INTS1: variants seen among roughly 807,000 people sequenced by gnomAD.
INTS1 encodes integrator complex subunit 1.
A neutral mutation model predicts 241.6 loss-of-function variants in INTS1; 137 were observed. The ratio of observed to expected loss-of-function variants is 0.57; its 90% CI spans 0.49 to 0.65. The LOEUF is 0.65. Ranked by LOEUF, INTS1 falls within the 30% of genes least tolerant of loss-of-function variation. INTS1 has a pLI of 0.00. For missense variants in INTS1, 3,073 were observed against 3,032.2 expected (o/e 1.01, Z -0.32); for synonymous variants, 1,692 against 1,337.8 (o/e 1.26, Z -5.78).
chr7:1,472,477 G>T, intron 43 of INTS1, 91 bp from the exon 44 acceptor site: 1 of 901,576 alleles, frequency 1.1e-6, no homozygotes, highest in African/African-American at 1.7e-5. Context: ...GAGCACGGCG[G>T]CCACTGCCCA....
intron 30 of INTS1, 91 bp from the exon 31 acceptor site, chr7:1,479,775 C>G: frequency 7.5e-7 from 1 of 1,327,912 alleles, no homozygotes; most frequent in Non-Finnish European, 9.9e-7. Context: ...AGCTCCGTGC[C>G]AGAACCGCGT....
At chr7:1,495,601 AGG>A (rs1782810306) in intron 12 of INTS1, 48 bp from the exon 13 acceptor site, 2 of 1,578,140 alleles carry the variant, frequency 1.3e-6, no homozygotes, top group Non-Finnish European at 1.7e-6. Flanking sequence ...ATGGGCCATG[AGG>A]GGCTAAGGCA....
intron 14 of INTS1, chr7:1,494,454 A>C: frequency 2.9e-6 from 1 of 346,672 alleles, no homozygotes; most frequent in Non-Finnish European, 5.5e-6. Flanking sequence ...CGGCTGGGGA[A>C]GGACAGTGTG....
chr7:1,486,714 C>T lies in INTS1; in HGVS notation c.2887G>A (p.Ala963Thr), dbSNP rs1433220808. ...ACCTCACACGTGGTCTGCTCATCAG[C>T]CTTCGGGCCCAGTAGCAGGTCCTGC... ...RLQDLLLGPK[A>T]DEQTTCEVLD... is the part of the protein sequence containing the mutation. The change falls in exon 22 of 48, where the codon GCT (alanine) becomes ACT (threonine). Residue 963 changes from alanine to threonine, a missense_variant. Physicochemically the swap from Ala to Thr is moderately conservative, Grantham distance 58. Coordinates refer to ENST00000404767, the MANE Select transcript of INTS1 (RefSeq NM_001080453.3). The T allele has an allele frequency of 3.1e-5, 50 of 1,612,620 alleles. No individual in the cohort carries two copies. The highest frequency in any genetic ancestry group is 3.6e-5 in the Non-Finnish European group (43 of 1,179,820).
In INTS1 at chr7:1,492,708, A is replaced by T. The variant is rs567419545; in HGVS notation, c.2165+302T>A. Among the ~76,000 whole-genome samples the T allele has an allele frequency of 2.1e-4, 32 of 152,352 alleles. No individual in the cohort carries two copies. In the East Asian group the frequency reaches 6.0e-3, roughly 29 times the overall value. On this transcript the variant is annotated intron_variant, in intron 16 of 47. Transcript: ENST00000404767. ...GGAGACACCGGGGAAGACAACGGGG[A>T]AACAGCCCACTCAAACCCAGGTAAC...
chr7:1,481,310 T>C lies in INTS1; in HGVS notation c.3850+32A>G, dbSNP rs750712258. 4 of 1,611,666 alleles carry C rather than the reference T, an allele frequency of 2.5e-6. No individual in the cohort carries two copies. In the Admixed American group the frequency reaches 5.0e-5, roughly 20 times the overall value. On this transcript the variant is annotated intron_variant, in intron 28 of 47. Transcript: ENST00000404767. This position sits in a 1 kb window ranked among gnomAD's most constrained non-coding sequence, Gnocchi z 6.8. ...CGGGCTGGGGCTCGGTCAGCGTGTG[T>C]GAACCCACTCCGCAGGTCCCTGGCA...
Position 1,482,584 on chromosome 7 carries a change from C to A in INTS1, c.3665G>T (p.Arg1222Leu), listed in dbSNP as rs370023670. The change falls in exon 27 of 48, where the codon CGC (arginine) becomes CTC (leucine). Residue 1222 changes from arginine to leucine, a missense_variant. Arg to Leu is a moderately radical substitution (Grantham distance 102). Coordinates refer to ENST00000404767, the MANE Select transcript of INTS1 (RefSeq NM_001080453.3). ...ALLLPDWLKL[R>L]MIRSEVLRLV... Reference sequence around the variant, plus strand: ...GCGGAGCACCTCAGAACGGATCATGCGCAGCTTCAGCCAGTCAGGAAGCAG... The same window carrying A: ...GCGGAGCACCTCAGAACGGATCATGAGCAGCTTCAGCCAGTCAGGAAGCAG... 4 of 1,612,780 alleles carry A rather than the reference C, an allele frequency of 2.5e-6. No homozygotes were observed. In the South Asian group the frequency reaches 4.4e-5, roughly 18 times the overall value.
intron 27 of INTS1, 96 bp downstream of exon 27, chr7:1,482,450 G>T: frequency 7.8e-7 from 1 of 1,279,646 alleles, no homozygotes; most frequent in Non-Finnish European, 1.1e-6. Context: ...CTTCTCCTCT[G>T]CCACAGCCGG....
chr7:1,498,661 C>G, intron 9 of INTS1, 46 bp downstream of exon 9: 1 of 1,535,048 alleles, frequency 6.5e-7, no homozygotes, highest in Non-Finnish European at 8.8e-7. Context: ...CCCACCCACA[C>G]CCCCACTCCA....
chr7:1,503,848 G>A (rs1264332338), intron 2 of INTS1, 55 bp downstream of exon 2: 32 of 1,239,976 alleles, frequency 2.6e-5, no homozygotes, highest in Middle Eastern at 1.9e-4. Context: ...GATCCCCAAA[G>A]ACCCCCAAAG....
Position 1,474,188 on chromosome 7 carries a change from A to G in INTS1, c.5809T>C (p.Ser1937Pro). The G allele has an allele frequency of 6.3e-7, 1 of 1,581,784 alleles. No homozygotes were observed. Among genetic ancestry groups the G allele is most frequent in the South Asian group, 1.1e-5 (1 of 89,072 alleles). The change falls in exon 41 of 48, where the codon TCC (serine) becomes CCC (proline). Residue 1937 changes from serine to proline, a missense_variant. Physicochemically the swap from Ser to Pro is moderately conservative, Grantham distance 74. Coordinates refer to ENST00000404767, the MANE Select transcript of INTS1 (RefSeq NM_001080453.3). ...HQGALWDCLL[S>P]FIRLLLNYRK... Reference sequence around the variant, plus strand: ...CACACCAGCAGCAGGCGGATGAAGGACAGAAGGCAGTCCCACAGCGCCCCC... The same window carrying G: ...CACACCAGCAGCAGGCGGATGAAGGGCAGAAGGCAGTCCCACAGCGCCCCC...
chr7:1,494,797 C>T lies in INTS1; in HGVS notation c.1910+19G>A, dbSNP rs1309220868. 2.6e-6 allele frequency: 4 copies of T among 1,553,104 alleles called. No homozygotes were observed. In the African/African-American group the frequency reaches 5.5e-5, roughly 21 times the overall value. ...CGCCCAGCCCGGCACACAGGAGCCC[C>T]AGGCGGCAGCGCACTCACTTGCGGT... On this transcript the variant is annotated intron_variant, in intron 14 of 47. Coordinates refer to ENST00000404767, the MANE Select transcript of INTS1 (RefSeq NM_001080453.3).
chr7:1,499,323 G>A lies in INTS1; in HGVS notation c.882C>T (p.Asp294=), dbSNP rs1267905467. The A allele has an allele frequency of 1.9e-6, 3 of 1,602,922 alleles. No homozygotes were observed. The highest frequency in any genetic ancestry group is 2.2e-5 in the South Asian group (2 of 89,428). ...SPHPSLTEEE[D]SQTELLIAEE... The stretch of plus-strand genomic sequence containing the variant: ...CCGCGATCAGCAACTCCGTCTGGCT[G>A]TCCTCCTCCTCCGTGAGGGAGGGGT... Residue 294 remains aspartate, a synonymous_variant, in exon 7 of 48, where the codon GAC becomes GAT. Transcript: ENST00000404767.
intron 24 of INTS1, among the ~76,000 whole-genome samples, chr7:1,484,383 G>A (rs1782148365): frequency 6.6e-6 from 1 of 152,230 alleles, no homozygotes; most frequent in South Asian, 2.1e-4. Context: ...CACAGCCAGG[G>A]ACAATGACCA....
chr7:1,487,366 C>A lies in INTS1; in HGVS notation c.2600G>T (p.Cys867Phe), dbSNP rs1437525007. 1 of 1,609,758 alleles carries A rather than the reference C, an allele frequency of 6.2e-7. No individual in the cohort carries two copies. Among genetic ancestry groups the A allele is most frequent in the South Asian group, 1.1e-5 (1 of 90,220 alleles). Residue 867 changes from cysteine to phenylalanine, a missense_variant, in exon 20 of 48, where the codon TGC (cysteine) becomes TTC (phenylalanine). Physicochemically the swap from Cys to Phe is radical, Grantham distance 205. Transcript: ENST00000404767. The part of the protein sequence containing the change: ...NQSLRLGHLL[C>F]RSRNPDFLLH... Reference sequence around the variant, plus strand: ...GAGAAAGTCAGGGTTTCGGCTGCGGCACAAGAGGTGCCCGAGGCGGAGGGA... The same window carrying A: ...GAGAAAGTCAGGGTTTCGGCTGCGGAACAAGAGGTGCCCGAGGCGGAGGGA...
intron 13 of INTS1, 72 bp downstream of exon 13, chr7:1,495,361 G>A (rs985107955): frequency 6.5e-6 from 10 of 1,535,370 alleles, no homozygotes; most frequent in East Asian, 2.3e-5. Context: ...TGGGGCAGGG[G>A]TTGTGCGGGG....
At chr7:1,473,924 A>T (rs541404724) in intron 41 of INTS1, among the ~76,000 whole-genome samples, 3 of 152,362 alleles carry the variant, frequency 2.0e-5, no homozygotes, top group Admixed American at 2.0e-4. Flanking sequence ...AGGTAGCACA[A>T]GCGACACGCA....
At chr7:1,485,490 C>T (rs773345565) in intron 22 of INTS1, 21 bp from the exon 23 acceptor site, 33 of 1,608,780 alleles carry the variant, frequency 2.1e-5, no homozygotes, top group African/African-American at 2.7e-5. Flanking sequence ...CACTCATGAG[C>T]TGGGCCGGCT....
intron 29 of INTS1, 86 bp downstream of exon 29, chr7:1,480,749 C>T: frequency 6.2e-6 from 7 of 1,125,306 alleles, no homozygotes; most frequent in Middle Eastern, 2.9e-4. Flanking sequence ...GTGCAGGCCC[C>T]GTCCCCCTCC....
Sources: allele counts gnomAD v4.1 joint callset (sites outside exome capture counted in the v4.1 genomes callset), GRCh38; gene constraint gnomAD v4.1.1; non-coding constraint Gnocchi (gnomAD v3.1); transcripts MANE v1.5; gene names NCBI Gene and HGNC (gene_info 2026-07-23, HGNC 2026-07-21).